Variants in ALPK3 observed in about 807,000 individuals in gnomAD.
ALPK3 encodes alpha-protein kinase 3.
ALPK3 carries 102 observed loss-of-function variants against 140.0 expected under a neutral mutation model. That is an observed-to-expected ratio of 0.73 (90% CI 0.62 to 0.86). ALPK3 has a LOEUF of 0.86. Among genes scored for constraint, ALPK3 ranks in the 40% least tolerant of loss-of-function variants. ALPK3 has a pLI of 0.00. For missense variants in ALPK3, 2,254 were observed against 2,208.2 expected, an observed-to-expected ratio of 1.02 and a Z score of -0.42; for synonymous variants, 938 against 898.5, an observed-to-expected ratio of 1.04 and a Z score of -0.79.
intron 1 of ALPK3, among the ~76,000 whole-genome samples, chr15:84,818,943 A>T (rs1239355974): frequency 1.3e-5 from 2 of 152,140 alleles, no homozygotes; most frequent in African/African-American, 4.8e-5. Context: ...TGTCACAGTG[A>T]CTTGTCTGGG....
At chr15:84,834,466 A>T (rs1033785854) in intron 3 of ALPK3, among the ~76,000 whole-genome samples, 1 of 152,242 alleles carries the variant, frequency 6.6e-6, no homozygotes, top group African/African-American at 2.4e-5. Flanking sequence ...GGATTAGATG[A>T]GATAATACAT....
Position 84,847,208 on chromosome 15 carries a change from G to GAGAGAGAGAGAGA in ALPK3, c.1653+6276_1653+6277insAGAGAGAGAGAGA, listed in dbSNP as rs373039929. ...GAGAGAGGAAGGGAGGGAGAAACGG[G>GAGAGAGAGAGAGA]GAGAGAGAGAGAGAGAGAGAGAGAG... On this transcript the variant is annotated intron_variant, in intron 5 of 13. Transcript: ENST00000258888. 9.7e-3 allele frequency among the ~76,000 whole-genome samples: 1,131 copies of GAGAGAGAGAGAGA among 116,626 alleles called. 70 individuals are homozygous for GAGAGAGAGAGAGA. Among genetic ancestry groups the GAGAGAGAGAGAGA allele is most frequent in the East Asian group, 0.013 (54 of 4,026 alleles). The allele number at this position is 116,626 out of a possible 152,430, so 76.5% of individuals were successfully genotyped here.
chr15:84,845,991 C>T (rs1235318732), intron 5 of ALPK3, among the ~76,000 whole-genome samples: 1 of 152,126 alleles, frequency 6.6e-6, no homozygotes, highest in East Asian at 1.9e-4. Context: ...ACCCGGGAAC[C>T]TGGGAGGCAG....
intron 9 of ALPK3, 124 bp downstream of exon 9, chr15:84,860,196 G>A: frequency 8.0e-7 from 1 of 1,244,820 alleles, no homozygotes; most frequent in Non-Finnish European, 1.1e-6. Flanking sequence ...CTTAGTTTAG[G>A]ATATGGCTTG....
Position 84,862,813 on chromosome 15 carries a change from C to G in ALPK3, c.4308C>G (p.Phe1436Leu). ...TCATCTACGGGCTGGAACCCATCTT[C>G]GAGTCGGGCCGCACGTGCATCATCA... ...AKVIYGLEPI[F>L]ESGRTCIIKV... Residue 1436 changes from phenylalanine to leucine, a missense_variant, in exon 10 of 14, where the codon TTC becomes TTG. Coordinates refer to ENST00000258888, the MANE Select transcript of ALPK3 (RefSeq NM_020778.5). 6.2e-7 allele frequency: 1 copy of G among 1,614,098 alleles called. No homozygotes were observed. The highest frequency in any genetic ancestry group is 8.5e-7 in the Non-Finnish European group (1 of 1,180,012).
chr15:84,817,531 G>C lies in ALPK3; in HGVS notation c.79G>C (p.Gly27Arg). 2 of 1,493,414 alleles carry C rather than the reference G, an allele frequency of 1.3e-6. No individual in the cohort carries two copies. The highest frequency in any genetic ancestry group is 1.8e-6 in the Non-Finnish European group (2 of 1,128,128). 92.5% of individuals were successfully genotyped at this position (1,493,414 alleles called of 1,614,324 possible). The change falls in exon 1 of 14, where the codon GGC becomes CGC. Residue 27 changes from glycine (G) to arginine (R), a missense_variant. Gly to Arg is a moderately radical substitution (Grantham distance 125, BLOSUM62 -2). This residue lies in a region of ALPK3 where 2,088 missense variants were observed against 2,022.9 expected (regional missense o/e 1.03). Transcript: ENST00000258888. The part of the protein sequence containing the change: ...SGAGGDGEDD[G>R]PVWIPSPASR... The stretch of plus-strand genomic sequence containing the variant: ...GGCGGGGGGCGACGGTGAGGACGAC[G>C]GCCCCGTGTGGATCCCCAGCCCAGC...
chr15:84,848,018 C>T (rs1014814851), intron 5 of ALPK3, among the ~76,000 whole-genome samples: 4 of 149,520 alleles, frequency 2.7e-5, no homozygotes, highest in Non-Finnish European at 5.9e-5. Context: ...ACTGAGATTG[C>T]ACCACTGTAC....
chr15:84,817,663 G>C, intron 1 of ALPK3, 68 bp downstream of exon 1: 2 of 1,404,540 alleles, frequency 1.4e-6, no homozygotes, highest in East Asian at 3.1e-5. Flanking sequence ...CTGTGAGGGC[G>C]GCCTGGCCCC....
At chr15:84,845,272 A>G (rs1470438355) in intron 5 of ALPK3, among the ~76,000 whole-genome samples, 2 of 152,160 alleles carry the variant, frequency 1.3e-5, no homozygotes, top group African/African-American at 4.8e-5. Context: ...ATTTCTTGGC[A>G]GTGACAGTGG....
chr15:84,846,914 G>A (rs1963737379), intron 5 of ALPK3, among the ~76,000 whole-genome samples: 3 of 151,968 alleles, frequency 2.0e-5, no homozygotes, highest in Admixed American at 6.6e-5. Flanking sequence ...GATTACAGAC[G>A]TGTGCCGCTA....
At position 84,838,580 on chromosome 15, in the gene ALPK3, G is replaced by A. The variant is rs373916987; in HGVS notation, c.305-400G>A. ...CTCTTCAGGTGGTCTGGGAAGCCAC[G>A]GCCTCGTGTTCTCTCCTCCCATTAT... On this transcript the variant is annotated intron_variant, in intron 3 of 13. Transcript: ENST00000258888. Among the ~76,000 whole-genome samples, 26 of 150,770 alleles carry A rather than the reference G, an allele frequency of 1.7e-4. No homozygotes were observed. In the Middle Eastern group the frequency reaches 0.018, roughly 102 times the overall value.
chr15:84,864,047 G>A, intron 11 of ALPK3, among the ~76,000 whole-genome samples: 1 of 152,146 alleles, frequency 6.6e-6, no homozygotes. Context: ...GCAATTGTTT[G>A]CATTTTGAGA....
At chr15:84,859,476 C>G in intron 7 of ALPK3, 86 bp downstream of exon 7, 5 of 1,511,664 alleles carry the variant, frequency 3.3e-6, no homozygotes, top group Non-Finnish European at 4.5e-6. Context: ...TTGAACCTAT[C>G]GCCTCATTAA....
chr15:84,850,009 A>T (rs1241665222), intron 5 of ALPK3, among the ~76,000 whole-genome samples: 1 of 146,848 alleles, frequency 6.8e-6, no homozygotes, highest in African/African-American at 2.4e-5. Flanking sequence ...GAAAAAAAAA[A>T]AAAAGAAGAC....
chr15:84,832,551 C>T (rs1251450489), intron 3 of ALPK3, among the ~76,000 whole-genome samples: 3 of 152,160 alleles, frequency 2.0e-5, no homozygotes, highest in African/African-American at 7.2e-5. Flanking sequence ...GGGAGGTCAT[C>T]TCCAGTGTTT....
intron 1 of ALPK3, among the ~76,000 whole-genome samples, chr15:84,819,603 C>T (rs1963401466): frequency 6.6e-6 from 1 of 152,162 alleles, no homozygotes. Flanking sequence ...GCCTCACTGC[C>T]TGTGGGGGTG....
chr15:84,864,444 T>A lies in ALPK3; in HGVS notation c.4502T>A (p.Ile1501Asn). The A allele has an allele frequency of 6.2e-7, 1 of 1,613,800 alleles. No individual in the cohort carries two copies. The highest frequency in any genetic ancestry group is 8.5e-7 in the Non-Finnish European group (1 of 1,179,730). ...CTGCAGGGTGAAACTATGTTTAGGA[T>A]CATCCCACTGTATCTGATCTACCGG... ...AAPGFGEVPEIIPLYLIYRPA... is the reference protein window; with the variant it reads ...AAPGFGEVPENIPLYLIYRPA... The change falls in exon 12 of 14, where the codon ATC (isoleucine) becomes AAC (asparagine). Residue 1501 changes from isoleucine (I) to asparagine (N), a missense_variant and splice_region_variant. Physicochemically the swap from Ile to Asn is moderately radical, Grantham distance 149 (BLOSUM62 -3). Around this residue, in one of 3 missense-constraint regions of ALPK3, gnomAD observed 2,088 missense variants for 2,022.9 expected, o/e 1.03. Transcript: ENST00000258888.
chr15:84,852,263 C>T (rs1963813317), intron 5 of ALPK3, among the ~76,000 whole-genome samples: 2 of 152,168 alleles, frequency 1.3e-5, no homozygotes, highest in South Asian at 4.1e-4. Flanking sequence ...GATACCAGGA[C>T]AGTTGATCTG....
Position 84,856,412 on chromosome 15 carries a change from C to G in ALPK3, c.1674C>G (p.Thr558=). The G allele has an allele frequency of 6.2e-7, 1 of 1,602,528 alleles. No homozygotes were observed. The highest frequency in any genetic ancestry group is 1.7e-4 in the Middle Eastern group (1 of 5,974). Residue 558 remains threonine, a synonymous_variant, in exon 6 of 14, where the codon ACC becomes ACG. Coordinates refer to ENST00000258888, the MANE Select transcript of ALPK3 (RefSeq NM_020778.5). ...TPGEVLECQT[T]TAPTMSASSS... ...TTCAGGTCCTGGAATGCCAGACAAC[C>G]ACGGCTCCTACCATGTCGGCCAGCA...
Sources: gnomAD v4.1 joint callset for allele counts (sites outside exome capture counted in the v4.1 genomes callset) on GRCh38, gnomAD v4.1.1 for gene constraint, gnomAD v4.1.1 regional missense constraint, MANE v1.5 for transcripts, NCBI Gene and HGNC (gene_info 2026-07-23, HGNC 2026-07-21) for gene names.